RNF216: variants seen among roughly 807,000 people sequenced by gnomAD.
The protein encoded by RNF216 is ring finger protein 216, also known as E3 ubiquitin-protein ligase RNF216.
Under a neutral mutation model 110.8 loss-of-function variants are expected in RNF216, and 72 were observed. The observed-to-expected ratio is 0.65, with a 90% CI of 0.54 to 0.79. The LOEUF (loss-of-function observed/expected upper bound fraction) is 0.79, where lower values mean the gene tolerates loss of function less well. Among genes scored for constraint, RNF216 ranks in the 30% least tolerant of loss-of-function variants. The pLI, the probability that RNF216 is intolerant of heterozygous loss-of-function variation, is 0.00. For missense variants in RNF216, 1,342 were observed against 1,141.2 expected, an observed-to-expected ratio of 1.18 and a Z score of -2.54; for synonymous variants, 495 against 407.5, an observed-to-expected ratio of 1.21 and a Z score of -2.59.
At chr7:5,660,772 G>T (rs1472026895) in intron 13 of RNF216, among the ~76,000 whole-genome samples, 1 of 150,330 alleles carries the variant, frequency 6.7e-6, no homozygotes, top group African/African-American at 2.5e-5. Flanking sequence ...GTCTTGCCAT[G>T]TTGCCCAGGC....
At chr7:5,712,607 C>CA (rs1341233006) in intron 12 of RNF216, 108 bp downstream of exon 12, 1 of 1,138,378 alleles carries the variant, frequency 8.8e-7, no homozygotes, top group Non-Finnish European at 1.3e-6. Context: ...CAAGAAATGT[C>CA]AAAAAACCTG....
chr7:5,703,656 A>G (rs1792110092), intron 13 of RNF216, among the ~76,000 whole-genome samples: 1 of 152,234 alleles, frequency 6.6e-6, no homozygotes, highest in South Asian at 2.1e-4. Context: ...AATAAATACA[A>G]GTGACATTGG....
intron 13 of RNF216, among the ~76,000 whole-genome samples, chr7:5,690,014 T>C (rs1401419824): frequency 6.6e-6 from 1 of 152,020 alleles, no homozygotes; most frequent in Non-Finnish European, 1.5e-5. Context: ...ACCTGTATTA[T>C]ATTTTACTTA....
At chr7:5,646,953 C>T (rs1355332027) in intron 14 of RNF216, among the ~76,000 whole-genome samples, 1 of 152,128 alleles carries the variant, frequency 6.6e-6, no homozygotes, top group Non-Finnish European at 1.5e-5. Flanking sequence ...TTGGGTTTTT[C>T]TGAGCATGTG....
chr7:5,695,810 T>G (rs1337562573), intron 13 of RNF216, among the ~76,000 whole-genome samples: 4 of 152,216 alleles, frequency 2.6e-5, no homozygotes, highest in African/African-American at 7.2e-5. Flanking sequence ...TGTAAACGGA[T>G]GTGTTTATTT....
intron 13 of RNF216, among the ~76,000 whole-genome samples, chr7:5,695,369 C>T (rs1184840549): frequency 6.6e-6 from 1 of 152,144 alleles, no homozygotes; most frequent in African/African-American, 2.4e-5. Flanking sequence ...CTGTCCTGAC[C>T]TCACACTCCC....
chr7:5,653,105 A>G (rs951807529), intron 13 of RNF216, among the ~76,000 whole-genome samples: 1 of 152,146 alleles, frequency 6.6e-6, no homozygotes, highest in Non-Finnish European at 1.5e-5. Flanking sequence ...AGAATGGCCT[A>G]CTTCAGTTCA....
chr7:5,670,397 C>G (rs2128594635), intron 13 of RNF216, among the ~76,000 whole-genome samples: 1 of 152,284 alleles, frequency 6.6e-6, no homozygotes, highest in Middle Eastern at 3.4e-3. Flanking sequence ...CATAGAGGGG[C>G]TGCCAAAAGG....
intron 13 of RNF216, among the ~76,000 whole-genome samples, chr7:5,667,366 A>C (rs1042814002): frequency 3.2e-4 from 49 of 152,348 alleles, no homozygotes; most frequent in African/African-American, 1.2e-3. Context: ...TCAGAATTAA[A>C]GTTTCTTTAA....
intron 15 of RNF216, among the ~76,000 whole-genome samples, chr7:5,639,656 C>T (rs562837941): frequency 3.3e-5 from 5 of 152,178 alleles, no homozygotes; most frequent in African/African-American, 1.2e-4. Context: ...AGACAGGTTT[C>T]ACCATATTGG....
chr7:5,723,509 C>T lies in RNF216; in HGVS notation c.1504+1815G>A, dbSNP rs376245816. 4.0e-5 allele frequency among the ~76,000 whole-genome samples: 6 copies of T among 151,864 alleles called. No individual in the cohort carries two copies. The East Asian group carries it at 7.8e-4, about 20-fold the overall frequency. On this transcript the variant is annotated intron_variant, in intron 8 of 16. Transcript: ENST00000389902. ...AAAAACACAAAAAATTAGCCGGACT[C>T]GGTGGCGGGCACCTGTAGTCCCAGC...
chr7:5,670,068 A>G (rs563456088), intron 13 of RNF216, among the ~76,000 whole-genome samples: 20 of 152,094 alleles, frequency 1.3e-4, no homozygotes, highest in African/African-American at 4.6e-4. Context: ...CTGGGATTAC[A>G]GGCACGCACC....
At chr7:5,736,471 A>C (rs1170108884) in intron 5 of RNF216, among the ~76,000 whole-genome samples, 2 of 152,186 alleles carry the variant, frequency 1.3e-5, no homozygotes, top group East Asian at 3.9e-4. Context: ...GGCTCGCTAC[A>C]ACCTCCACCT....
At chr7:5,670,613 G>C (rs1424627532) in intron 13 of RNF216, among the ~76,000 whole-genome samples, 1 of 152,130 alleles carries the variant, frequency 6.6e-6, no homozygotes, top group Non-Finnish European at 1.5e-5. Context: ...CCCAAAGCAT[G>C]CTTAATCTCC....
intron 13 of RNF216, among the ~76,000 whole-genome samples, chr7:5,676,463 G>T (rs1407339595): frequency 1.3e-5 from 2 of 152,236 alleles, no homozygotes; most frequent in East Asian, 3.9e-4. Flanking sequence ...TGTGAGAACT[G>T]TCGCTGGGGA....
intron 8 of RNF216, among the ~76,000 whole-genome samples, chr7:5,722,522 C>A (rs1323678865): frequency 6.6e-6 from 1 of 151,716 alleles, no homozygotes; most frequent in African/African-American, 2.4e-5. Context: ...TCCCGAGTAG[C>A]TGGGACTACA....
intron 13 of RNF216, among the ~76,000 whole-genome samples, chr7:5,707,033 C>T (rs1227301303): frequency 4.6e-5 from 7 of 152,190 alleles, no homozygotes; most frequent in Non-Finnish European, 8.8e-5. Context: ...TCAGAGACTA[C>T]CTTTTCCCCC....
chr7:5,726,745 G>C (rs1793776180), intron 7 of RNF216, among the ~76,000 whole-genome samples: 1 of 151,878 alleles, frequency 6.6e-6, no homozygotes, highest in Non-Finnish European at 1.5e-5. Context: ...TGTAATCCCA[G>C]CTACTTGGGG....
At chr7:5,649,651 G>C (rs1788267213) in intron 14 of RNF216, 1 of 151,914 alleles carries the variant, frequency 6.6e-6, no homozygotes, top group Non-Finnish European at 1.5e-5. Flanking sequence ...AGATTCCTTT[G>C]GGCATCTTCT....
Sources: allele counts gnomAD v4.1 joint callset (sites outside exome capture counted in the v4.1 genomes callset), GRCh38; gene constraint gnomAD v4.1.1; transcripts MANE v1.5; gene names NCBI Gene and HGNC (gene_info 2026-07-23, HGNC 2026-07-21).